The following LYST variants were observed in gnomAD, a reference collection of about 807,000 sequenced individuals.
LYST encodes lysosomal-trafficking regulator.
Under a neutral mutation model 413.6 loss-of-function variants are expected in LYST, and 192 were observed. That is an observed-to-expected ratio of 0.46 (90% CI 0.41 to 0.52). The LOEUF (loss-of-function observed/expected upper bound fraction) is 0.52, where lower values mean the gene tolerates loss of function less well. Ranked by LOEUF, LYST falls within the 20% of genes least tolerant of loss-of-function variation. The pLI is 0.00. For missense variants in LYST, 3,815 were observed against 4,499.9 expected (o/e 0.85, Z 4.35); for synonymous variants, 1,525 against 1,567.3 (o/e 0.97, Z 0.64).
chr1:235,803,101 C>T, intron 7 of LYST, 37 bp from the exon 8 acceptor site: 1 of 1,563,990 alleles, frequency 6.4e-7, no homozygotes. Flanking sequence ...GTAACATTTG[C>T]TTGTTTTTAG....
chr1:235,777,189 T>A lies in LYST; in HGVS notation c.5334A>T (p.Lys1778Asn). 7 of 1,613,814 alleles carry A rather than the reference T, an allele frequency of 4.3e-6. No individual in the cohort carries two copies. The highest frequency in any genetic ancestry group is 5.9e-6 in the Non-Finnish European group (7 of 1,179,826). The change falls in exon 17 of 53, where the codon AAA (lysine) becomes AAT (asparagine). Residue 1778 changes from lysine (K) to asparagine (N), a missense_variant. Physicochemically the swap from Lys to Asn is moderately conservative, Grantham distance 94 (BLOSUM62 0). Coordinates refer to ENST00000389793, the MANE Select transcript of LYST (RefSeq NM_000081.4). ...TQLSQRPFSSKEVQSILLEPH... is the reference protein window; with the variant it reads ...TQLSQRPFSSNEVQSILLEPH... ...GTTCTAATAAGATGCTCTGAACTTC[T>A]TTTGAGCTGAAGGGTCTTTGAGAGA... is the stretch of plus-strand genomic sequence containing the variant.
intron 40 of LYST, among the ~76,000 whole-genome samples, chr1:235,719,962 G>C (rs1436767379): frequency 3.9e-5 from 6 of 152,096 alleles, no homozygotes; most frequent in Admixed American, 2.6e-4. Flanking sequence ...TGGATCACAA[G>C]GTCAAGAGAT....
chr1:235,843,275 AT>A (rs1368052068), intron 1 of LYST, among the ~76,000 whole-genome samples: 9 of 152,154 alleles, frequency 5.9e-5, no homozygotes, highest in Non-Finnish European at 1.3e-4. Context: ...ATTTTAATAG[AT>A]ATTTATTAAT....
intron 46 of LYST, 148 bp from the exon 47 acceptor site, chr1:235,693,634 A>T (rs1285832083): frequency 1.2e-6 from 1 of 819,324 alleles, no homozygotes; most frequent in Non-Finnish European, 1.9e-6. Context: ...AAATGGAACA[A>T]TTTTTTAGTT....
chr1:235,670,679 A>G (rs1276040077), intron 50 of LYST, among the ~76,000 whole-genome samples: 5 of 152,218 alleles, frequency 3.3e-5, no homozygotes. Flanking sequence ...GCAGTGAAGT[A>G]CTTCTTTGGT....
chr1:235,759,094 C>T lies in LYST; in HGVS notation c.6759G>A (p.Gln2253=). The T allele has an allele frequency of 6.2e-7, 1 of 1,614,186 alleles. No homozygotes were observed. Residue 2253 remains glutamine (Q), a synonymous_variant, in exon 23 of 53, where the codon CAG becomes CAA. Coordinates refer to ENST00000389793, the MANE Select transcript of LYST (RefSeq NM_000081.4). ...IASLGLAFPS[Q]NGSAAVGRWP... The stretch of plus-strand genomic sequence containing the variant: ...AACGGCCAACAGCTGCAGATCCGTT[C>T]TGTGAAGGAAAAGCTAGCCCAAGGC...
At chr1:235,695,130 G>T (rs1453057517) in intron 46 of LYST, among the ~76,000 whole-genome samples, 1 of 152,180 alleles carries the variant, frequency 6.6e-6, no homozygotes, top group Non-Finnish European at 1.5e-5. Flanking sequence ...AGACCCTAGG[G>T]TATTTACAGG....
chr1:235,722,590 A>G lies in LYST; in HGVS notation c.9315+1438T>C, dbSNP rs530601495. ...AACCTCTGCTTCCCAGGTTCAAGTG[A>G]TTCTCCTGCCTCAGCCTCCCAAGTA... On this transcript the variant is annotated intron_variant, in intron 39 of 52. Coordinates refer to ENST00000389793, the MANE Select transcript of LYST (RefSeq NM_000081.4). Among the ~76,000 whole-genome samples the G allele has an allele frequency of 3.5e-4, 54 of 152,244 alleles. 3 individuals carry two copies. Among genetic ancestry groups the G allele is most frequent in the African/African-American group, 1.3e-3 (54 of 41,536 alleles).
At chr1:235,769,784 T>C (rs906057846) in intron 20 of LYST, among the ~76,000 whole-genome samples, 6 of 152,082 alleles carry the variant, frequency 3.9e-5, no homozygotes, top group African/African-American at 1.4e-4. Context: ...CGTTAGCAAG[T>C]TTATATTTAT....
rs567370938 is a variant in LYST at position 235,757,601 on chromosome 1, G to A, written c.6882-143C>T. Reference sequence around the variant, plus strand: ...TTAAGAAATGTTTCCTAATTTAACTGTGATTAACAAATTTACCATCACTTT... The same window carrying A: ...TTAAGAAATGTTTCCTAATTTAACTATGATTAACAAATTTACCATCACTTT... On this transcript the variant is annotated intron_variant, in intron 23 of 52. Transcript: ENST00000389793. The A allele has an allele frequency of 8.5e-6, 6 of 702,122 alleles. No homozygotes were observed. The African/African-American group carries it at 1.1e-4, about 12-fold the overall frequency. 43.5% of individuals were successfully genotyped at this position (702,122 alleles called of 1,614,324 possible). A position where few individuals can be genotyped will look rare whatever the true frequency, so the allele number is the denominator to read the frequency against.
intron 31 of LYST, among the ~76,000 whole-genome samples, chr1:235,740,484 G>A (rs974991360): frequency 6.6e-6 from 1 of 151,870 alleles, no homozygotes; most frequent in Non-Finnish European, 1.5e-5. Flanking sequence ...TCTTGGTTTT[G>A]CTTGTTCCTT....
intron 50 of LYST, among the ~76,000 whole-genome samples, chr1:235,675,355 T>G (rs1273093203): frequency 6.6e-6 from 1 of 152,170 alleles, no homozygotes; most frequent in African/African-American, 2.4e-5. Flanking sequence ...CCAATTGAGT[T>G]AGTTAGATTG....
chr1:235,833,012 G>A (rs1676161754), intron 2 of LYST, among the ~76,000 whole-genome samples: 1 of 151,910 alleles, frequency 6.6e-6, no homozygotes, highest in Non-Finnish European at 1.5e-5. Context: ...GAATTTCCCA[G>A]ATATAATACT....
intron 1 of LYST, among the ~76,000 whole-genome samples, chr1:235,855,810 G>A (rs1572467390): frequency 1.3e-5 from 2 of 152,160 alleles, no homozygotes; most frequent in Admixed American, 6.5e-5. Flanking sequence ...TAGATAGCAC[G>A]TTTCCTCTTA....
chr1:235,810,355 C>T lies in LYST; in HGVS notation c.463G>A (p.Val155Ile). Residue 155 changes from valine to isoleucine, a missense_variant, in exon 5 of 53, where the codon GTA (valine) becomes ATA (isoleucine). By Grantham distance (29) the Val-to-Ile change is conservative. Around this residue, in one of 4 missense-constraint regions of LYST, gnomAD observed 1,648 missense variants for 1,810.3 expected, o/e 0.91. Coordinates refer to ENST00000389793, the MANE Select transcript of LYST (RefSeq NM_000081.4). ...RQRKITHRYS[V>I]RDARKTQLST... ...AGCTGTGTCTTTCTTGCATCTCTTA[C>T]AGAATAGCGATGGGTAATTTTACGC... 1.2e-6 allele frequency: 2 copies of T among 1,614,092 alleles called. No homozygotes were observed. The highest frequency in any genetic ancestry group is 1.7e-6 in the Non-Finnish European group (2 of 1,179,956).
chr1:235,880,674 T>C (rs1681338676), intron 1 of LYST, among the ~76,000 whole-genome samples: 1 of 152,228 alleles, frequency 6.6e-6, no homozygotes, highest in Admixed American at 6.5e-5. Context: ...TGCCTATTCC[T>C]TATTTATGGA....
At chr1:235,842,840 T>C (rs1677368977) in intron 1 of LYST, among the ~76,000 whole-genome samples, 1 of 152,238 alleles carries the variant, frequency 6.6e-6, no homozygotes, top group African/African-American at 2.4e-5. Context: ...GTTCCAGTTC[T>C]GTGATTAATT....
At chr1:235,709,066 A>G in intron 44 of LYST, 25 bp downstream of exon 44, 2 of 1,592,152 alleles carry the variant, frequency 1.3e-6, no homozygotes, top group Non-Finnish European at 1.7e-6. Context: ...ATATAAATAC[A>G]GATTGTTTTA....
At chr1:235,860,717 T>C (rs886997674) in intron 1 of LYST, among the ~76,000 whole-genome samples, 2 of 152,140 alleles carry the variant, frequency 1.3e-5, no homozygotes, top group Non-Finnish European at 2.9e-5. Flanking sequence ...AAACCACATA[T>C]TTAAAGTGCA....
Sources: allele counts gnomAD v4.1 joint callset (sites outside exome capture counted in the v4.1 genomes callset), GRCh38; gene constraint gnomAD v4.1.1; regional missense constraint gnomAD v4.1.1; transcripts MANE v1.5; gene names NCBI Gene and HGNC (gene_info 2026-07-23, HGNC 2026-07-21).